Variants in ZNF423 observed in about 807,000 individuals in gnomAD.
ZNF423 encodes the protein Ebf-associated zinc finger protein.
In ZNF423, 12 loss-of-function variants were observed where a neutral mutation model predicts 95.8. The observed-to-expected ratio is 0.13, with a 90% confidence interval of 0.08 to 0.20. ZNF423 has a LOEUF of 0.20. Among genes scored for constraint, ZNF423 ranks in the 10% least tolerant of loss-of-function variants. ZNF423 has a pLI of 1.00. For missense variants in ZNF423, 1,316 were observed against 1,737.1 expected (o/e 0.76, Z 4.31); for synonymous variants, 749 against 711.9 (o/e 1.05, Z -0.83).
chr16:49,859,103 T>C (rs1343339708), upstream of ZNF423, among the ~76,000 whole-genome samples: 1 of 150,794 alleles, frequency 6.6e-6, no homozygotes, highest in Non-Finnish European at 1.5e-5. Context: ...AGGAGCGCGG[T>C]GGGGAATGCG....
chr16:49,544,891 G>A (rs1420896571), intron 5 of ZNF423, among the ~76,000 whole-genome samples: 1 of 152,276 alleles, frequency 6.6e-6, no homozygotes, highest in Non-Finnish European at 1.5e-5. Context: ...ATTGGGTGCT[G>A]GTGATGTGCA....
intron 3 of ZNF423, among the ~76,000 whole-genome samples, chr16:49,716,878 A>G (rs748669424): frequency 6.6e-6 from 1 of 152,160 alleles, no homozygotes; most frequent in Middle Eastern, 3.2e-3. Flanking sequence ...TCAGCGGGAG[A>G]TAAATTTGGT....
chr16:49,607,200 T>C (rs752749383), intron 5 of ZNF423, among the ~76,000 whole-genome samples: 1 of 151,834 alleles, frequency 6.6e-6, no homozygotes, highest in African/African-American at 2.4e-5. Flanking sequence ...AAACCCTTCA[T>C]GAAAACCCCA....
At chr16:49,609,708 A>C (rs1971658871) in intron 5 of ZNF423, among the ~76,000 whole-genome samples, 1 of 152,134 alleles carries the variant, frequency 6.6e-6, no homozygotes, top group South Asian at 2.1e-4. Context: ...GGACTATAAC[A>C]TTTTTGTGAT....
intron 3 of ZNF423, among the ~76,000 whole-genome samples, chr16:49,726,710 G>A (rs2033024066): frequency 6.6e-6 from 1 of 151,948 alleles, no homozygotes. Context: ...CACTTACCCA[G>A]TCAGCCCCTA....
chr16:49,789,517 G>T lies in ZNF423; in HGVS notation c.70C>A (p.Leu24Met). The change falls in exon 2 of 8, where the codon CTG (leucine) becomes ATG (methionine). Residue 24 changes from leucine to methionine, a missense_variant. Physicochemically the swap from Leu to Met is conservative, Grantham distance 15. Coordinates refer to ENST00000563137, the MANE Select transcript of ZNF423 (RefSeq NM_001379286.1). ...GCTGTCACGGAGGAATCCCAGGCCA[G>T]CGAGAAGTCTGAGGCCTCCCCCTCT... ...VEEGEASDFS[L>M]AWDSSVTAAG... is the part of the protein sequence containing the mutation. The T allele has an allele frequency of 2.5e-6, 4 of 1,612,620 alleles. No individual in the cohort carries two copies. Among genetic ancestry groups the T allele is most frequent in the Non-Finnish European group, 3.4e-6 (4 of 1,179,610 alleles).
At chr16:49,608,199 A>T in intron 5 of ZNF423, among the ~76,000 whole-genome samples, 1 of 152,196 alleles carries the variant, frequency 6.6e-6, no homozygotes, top group Non-Finnish European at 1.5e-5. Context: ...GGACCATCGG[A>T]GGGAAGAATA....
intron 5 of ZNF423, among the ~76,000 whole-genome samples, chr16:49,541,142 C>T (rs942607338): frequency 6.6e-6 from 1 of 152,202 alleles, no homozygotes; most frequent in Non-Finnish European, 1.5e-5. Context: ...TCCCCTAGAA[C>T]AGGTAGGGAG....
chr16:49,614,742 C>A (rs1177472552), intron 5 of ZNF423, among the ~76,000 whole-genome samples: 1 of 152,174 alleles, frequency 6.6e-6, no homozygotes, highest in Non-Finnish European at 1.5e-5. Flanking sequence ...TGTGAATCTG[C>A]ATGTGAATAT....
chr16:49,542,436 T>C (rs1223128242), intron 5 of ZNF423, among the ~76,000 whole-genome samples: 1 of 152,242 alleles, frequency 6.6e-6, no homozygotes, highest in African/African-American at 2.4e-5. Context: ...ATGCACCTGC[T>C]GGGCTGGTCC....
At chr16:49,826,524 G>A (rs1450193064) in intron 1 of ZNF423, among the ~76,000 whole-genome samples, 2 of 152,190 alleles carry the variant, frequency 1.3e-5, no homozygotes. Context: ...TGTGATTGGG[G>A]AAGGTCATTA....
Position 49,488,145 on chromosome 16 carries a change from G to C in ZNF423, c.*3130C>G, listed in dbSNP as rs1230311798. On this transcript the variant is annotated 3_prime_UTR_variant, in exon 8 of 8. Coordinates refer to ENST00000563137, the MANE Select transcript of ZNF423 (RefSeq NM_001379286.1). Reference sequence around the variant, plus strand: ...GATTTGAGTTTTGGTCCTATTTACTGAATATTTATAGGTACAGGTTCCATC... The same window carrying C: ...GATTTGAGTTTTGGTCCTATTTACTCAATATTTATAGGTACAGGTTCCATC... 6.6e-6 allele frequency: 1 copy of C among 152,242 alleles called. No individual in the cohort carries two copies. The highest frequency in any genetic ancestry group is 1.5e-5 in the Non-Finnish European group (1 of 68,040). The allele number at this position is 152,242 out of a possible 1,614,324, so 9.4% of individuals were successfully genotyped here.
At chr16:49,766,541 C>T (rs2033932418) in intron 2 of ZNF423, among the ~76,000 whole-genome samples, 1 of 152,220 alleles carries the variant, frequency 6.6e-6, no homozygotes, top group South Asian at 2.1e-4. Flanking sequence ...AAGTCCCAGG[C>T]TCTGGGGGAC....
intron 4 of ZNF423, among the ~76,000 whole-genome samples, 194 bp from the exon 5 acceptor site, chr16:49,626,448 A>C (rs939721650): frequency 6.6e-6 from 1 of 152,110 alleles, no homozygotes; most frequent in Non-Finnish European, 1.5e-5. Context: ...ATGAAGCTAC[A>C]TTCCAAGGGA....
intron 3 of ZNF423, among the ~76,000 whole-genome samples, chr16:49,715,098 T>C (rs543232320): frequency 1.3e-5 from 2 of 152,312 alleles, no homozygotes; most frequent in African/African-American, 4.8e-5. Context: ...GCATTTACTA[T>C]GCACCAGGTC....
chr16:49,695,848 G>A (rs544549555), intron 3 of ZNF423, among the ~76,000 whole-genome samples: 1 of 152,334 alleles, frequency 6.6e-6, no homozygotes, highest in Admixed American at 6.5e-5. Context: ...AGCTACTACT[G>A]AGTGCTTGCT....
intron 2 of ZNF423, among the ~76,000 whole-genome samples, chr16:49,748,173 C>T (rs74413956): frequency 0.022 from 3,363 of 152,306 alleles, 119 homozygotes; most frequent in African/African-American, 0.077. Context: ...AGAACAGTGC[C>T]TGGCACGTAG....
chr16:49,790,099 G>A (rs919947576), intron 1 of ZNF423, among the ~76,000 whole-genome samples: 1 of 152,188 alleles, frequency 6.6e-6, no homozygotes, highest in Non-Finnish European at 1.5e-5. Context: ...GGCTGGTAGA[G>A]GCCATGCACT....
intron 3 of ZNF423, among the ~76,000 whole-genome samples, chr16:49,664,675 G>C (rs1377357562): frequency 6.6e-6 from 1 of 152,086 alleles, no homozygotes; most frequent in Non-Finnish European, 1.5e-5. Flanking sequence ...GGGTGGGGTG[G>C]GTGGGGAGCT....
Sources: gnomAD v4.1 joint callset for allele counts (sites outside exome capture counted in the v4.1 genomes callset) on GRCh38, gnomAD v4.1.1 for gene constraint, MANE v1.5 for transcripts, NCBI Gene and HGNC (gene_info 2026-07-23, HGNC 2026-07-21) for gene names.